Variants in SSBP4 observed in about 807,000 individuals in gnomAD.
The protein encoded by SSBP4 is single-stranded DNA-binding protein 4.
SSBP4 carries 33 observed loss-of-function variants against 64.6 expected under a neutral mutation model. That is an observed-to-expected ratio of 0.51 (90% CI 0.39 to 0.68). The LOEUF (loss-of-function observed/expected upper bound fraction) is 0.68. SSBP4 is among the 30% of genes least tolerant of loss of function. SSBP4 has a pLI of 0.00. For missense variants in SSBP4, 583 were observed against 566.8 expected (o/e 1.03, Z -0.29); for synonymous variants, 243 against 224.0 (o/e 1.08, Z -0.76).
rs1352768447 is a variant in SSBP4, at chr19:18,419,470, C to T, written c.-179C>T. 3 of 1,072,930 alleles carry T rather than the reference C, an allele frequency of 2.8e-6. No individual in the cohort carries two copies. In the South Asian group the frequency reaches 1.3e-4, roughly 47 times the overall value. The allele number at this position is 1,072,930 out of a possible 1,614,324, so 66.5% of individuals were successfully genotyped here. ...CCTGCGGCCGGGGCCGGAGCTGGAG[C>T]CGCCGCTGCCGCCGCCGCCGCGGCC... On this transcript the variant is annotated 5_prime_UTR_variant, in exon 1 of 18. Coordinates refer to ENST00000270061, the MANE Select transcript of SSBP4 (RefSeq NM_032627.5).
the SSBP4 span, among the ~76,000 whole-genome samples, chr19:18,409,638 C>A: frequency 5.6e-4 from 86 of 152,304 alleles, no homozygotes; most frequent in African/African-American, 2.0e-3. Context: ...CTCTGTCACC[C>A]AGGCTGGGGT....
At position 18,419,468 on chromosome 19, in the gene SSBP4, AGCCGCCGCTGCC is replaced by A. The variant is rs1438720223; in HGVS notation, c.-172_-161del. On this transcript the variant is annotated 5_prime_UTR_variant, in exon 1 of 18. Coordinates refer to ENST00000270061, the MANE Select transcript of SSBP4 (RefSeq NM_032627.5). ...ACCCTGCGGCCGGGGCCGGAGCTGG[AGCCGCCGCTGCC>A]GCCGCCGCCGCGGCCGTCTGGAGCT... 1.8e-5 allele frequency: 19 copies of A among 1,072,278 alleles called. No individual in the cohort carries two copies. In the African/African-American group the frequency reaches 1.9e-4, roughly 11 times the overall value. The allele number at this position is 1,072,278 out of a possible 1,614,324, so 66.4% of individuals were successfully genotyped here.
At chr19:18,417,368 A>G (rs1025862796), upstream of SSBP4, among the ~76,000 whole-genome samples, 4 of 152,136 alleles carry the variant, frequency 2.6e-5, no homozygotes, top group Admixed American at 2.0e-4. This position sits in a 1 kb window ranked among gnomAD's most constrained non-coding sequence, Gnocchi z 5.4. Flanking sequence ...CGAGGGACCA[A>G]CCAGGGCACA....
chr19:18,431,893 C>A, intron 8 of SSBP4, 31 bp downstream of exon 8: 1 of 1,564,150 alleles, frequency 6.4e-7, no homozygotes, highest in Non-Finnish European at 8.7e-7. Context: ...CCCTATCCCG[C>A]CATCAATCAG....
rs777792852 is a variant in SSBP4 at position 18,431,716 on chromosome 19, G to A, written c.495+10G>A. 6 of 1,548,562 alleles carry A rather than the reference G, an allele frequency of 3.9e-6. No individual in the cohort carries two copies. Among genetic ancestry groups the A allele is most frequent in the Non-Finnish European group, 5.2e-6 (6 of 1,145,964 alleles). On this transcript the variant is annotated intron_variant, in intron 7 of 17. Coordinates refer to ENST00000270061, the MANE Select transcript of SSBP4 (RefSeq NM_032627.5). ...GCGGATGCCGAGTCAGGTGAGAAAG[G>A]GATGAGGGGAGGGCGGGCAGGAGCT...
At chr19:18,431,927 C>A in intron 8 of SSBP4, 65 bp downstream of exon 8, 1 of 1,563,404 alleles carries the variant, frequency 6.4e-7, no homozygotes, top group Admixed American at 1.8e-5. Flanking sequence ...AGAGCCCAGA[C>A]CTTGCTGCCT....
chr19:18,428,463 C>T (rs1426258891), intron 4 of SSBP4, among the ~76,000 whole-genome samples: 2 of 152,202 alleles, frequency 1.3e-5, no homozygotes, highest in Non-Finnish European at 2.9e-5. Flanking sequence ...TGCCCACTCC[C>T]TCTCTGCTGT....
At position 18,423,902 on chromosome 19, in the gene SSBP4, G is replaced by T. The variant is rs552551952; in HGVS notation, c.60-3449G>T. ...GGCCGGTGGGGGGCAGAGGGCATGG[G>T]TGATTTGCATCCAGAGCCCTTCCCT... On this transcript the variant is annotated intron_variant, in intron 1 of 17. Transcript: ENST00000270061. The surrounding 1 kb of genome is among the most constrained non-coding windows in gnomAD (Gnocchi z 4.0). Among the ~76,000 whole-genome samples, 1 of 152,248 alleles carries T rather than the reference G, an allele frequency of 6.6e-6. No homozygotes were observed. Among genetic ancestry groups the T allele is most frequent in the East Asian group, 1.9e-4 (1 of 5,170 alleles).
chr19:18,432,626 C>T (rs1218046927), intron 11 of SSBP4, 22 bp downstream of exon 11: 3 of 1,132,958 alleles, frequency 2.6e-6, no homozygotes, highest in African/African-American at 4.0e-5. Context: ...GCTGGGTGGG[C>T]AGGCTTGGGG....
intron 10 of SSBP4, 79 bp downstream of exon 10, chr19:18,432,293 C>T: frequency 1.3e-6 from 2 of 1,553,992 alleles, no homozygotes; most frequent in South Asian, 2.3e-5. Context: ...TGGGGCAGGT[C>T]CTGAATCCTC....
chr19:18,407,474 T>A, the SSBP4 span, among the ~76,000 whole-genome samples: 2 of 151,958 alleles, frequency 1.3e-5, no homozygotes, highest in Admixed American at 1.3e-4. Flanking sequence ...TGGAGTGCAG[T>A]GGCGTGATCT....
chr19:18,430,201 C>G (rs1018373262), intron 4 of SSBP4, among the ~76,000 whole-genome samples: 1 of 152,202 alleles, frequency 6.6e-6, no homozygotes, highest in African/African-American at 2.4e-5. Flanking sequence ...TAGACTGGGC[C>G]TCCCTTCCCA....
At chr19:18,431,182 G>A (rs1973341556) in intron 5 of SSBP4, among the ~76,000 whole-genome samples, 171 bp from the exon 6 acceptor site, 1 of 151,510 alleles carries the variant, frequency 6.6e-6, no homozygotes, top group African/African-American at 2.4e-5. Flanking sequence ...GGATGCAGTA[G>A]CCACAGTGGT....
At chr19:18,406,086 C>A in the SSBP4 span, among the ~76,000 whole-genome samples, 1 of 151,964 alleles carries the variant, frequency 6.6e-6, no homozygotes, top group Non-Finnish European at 1.5e-5. Context: ...AAATGATCCT[C>A]CTGCCTCAGC....
chr19:18,428,271 G>C (rs1384192101), intron 4 of SSBP4, among the ~76,000 whole-genome samples: 1 of 152,166 alleles, frequency 6.6e-6, no homozygotes, highest in African/African-American at 2.4e-5. Context: ...GGCACTGGGG[G>C]GTGCCATTTC....
chr19:18,408,787 G>A, the SSBP4 span, among the ~76,000 whole-genome samples: 1 of 151,792 alleles, frequency 6.6e-6, no homozygotes, highest in African/African-American at 2.4e-5. Flanking sequence ...CACCGCACGC[G>A]GCCCAAACCA....
Position 18,426,440 on chromosome 19 carries a change from G to C in SSBP4, c.60-911G>C, listed in dbSNP as rs1296495243. 2.0e-5 allele frequency among the ~76,000 whole-genome samples: 3 copies of C among 152,210 alleles called. No individual in the cohort carries two copies. Among genetic ancestry groups the C allele is most frequent in the African/African-American group, 7.2e-5 (3 of 41,446 alleles). On this transcript the variant is annotated intron_variant, in intron 1 of 17. Transcript: ENST00000270061. This position sits in a 1 kb window ranked among gnomAD's most constrained non-coding sequence, Gnocchi z 4.5. Reference sequence around the variant, plus strand: ...CTGGACAGTACAAGAGCTCTGAGCAGGGAGCGGCTCAGTTCCAGGGAGGTC... The same window carrying C: ...CTGGACAGTACAAGAGCTCTGAGCACGGAGCGGCTCAGTTCCAGGGAGGTC...
chr19:18,431,358 C>A lies in SSBP4; in HGVS notation c.375C>A (p.Pro125=). 1.0e-6 allele frequency: 1 copy of A among 982,064 alleles called. No individual in the cohort carries two copies. The highest frequency in any genetic ancestry group is 1.5e-6 in the Non-Finnish European group (1 of 655,210). The allele number at this position is 982,064 out of a possible 1,614,324, so 60.8% of individuals were successfully genotyped here. A position where few individuals can be genotyped will look rare whatever the true frequency, so the allele number is the denominator to read the frequency against. Residue 125 remains proline (P), a synonymous_variant, in exon 6 of 18, where the codon CCC becomes CCA. Coordinates refer to ENST00000270061, the MANE Select transcript of SSBP4 (RefSeq NM_032627.5). ...ACCTGGTTCTGTCCTCCTAGGGCCC[C>A]CCCGGCTCCCAGCCGTCCCCCCACA... is the stretch of plus-strand genomic sequence containing the variant. ...GSMAAGFFQG[P]PGSQPSPHNP...
At chr19:18,417,077 CCCTCCCTCCGCCT>C (rs1359848727), upstream of SSBP4, among the ~76,000 whole-genome samples, 3 of 151,196 alleles carry the variant, frequency 2.0e-5, no homozygotes, top group Non-Finnish European at 3.0e-5. The surrounding 1 kb of genome is among the most constrained non-coding windows in gnomAD (Gnocchi z 5.4). Context: ...CTCCTTCCCT[CCCTCCCTCCGCCT>C]CCGCCCTCCC....
Sources: allele counts gnomAD v4.1 joint callset (sites outside exome capture counted in the v4.1 genomes callset), GRCh38; gene constraint gnomAD v4.1.1; non-coding constraint Gnocchi (gnomAD v3.1); transcripts MANE v1.5; gene names NCBI Gene and HGNC (gene_info 2026-07-23, HGNC 2026-07-21).